The following ARHGAP26 variants were observed in gnomAD, a reference collection of about 807,000 sequenced individuals.
ARHGAP26 encodes the protein Rho GTPase activating protein 26, also known as rho GTPase-activating protein 26.
In ARHGAP26, 38 loss-of-function variants were observed where a neutral mutation model predicts 104.8. The ratio of observed to expected loss-of-function variants is 0.36; its 90% confidence interval spans 0.28 to 0.48. ARHGAP26 has a LOEUF of 0.48. Among genes scored for constraint, ARHGAP26 ranks in the 20% least tolerant of loss-of-function variants. The probability of loss-of-function intolerance (pLI) is 0.99; values close to 1 mark genes in which losing one functional copy is unlikely to be tolerated. For synonymous variants in ARHGAP26, 341 were observed against 340.0 expected (o/e 1.00, Z -0.03); for missense variants, 704 against 947.9 (o/e 0.74, Z 3.38).
Position 143,081,959 on chromosome 5 carries a change from G to A in ARHGAP26, c.1538+24212G>A, listed in dbSNP as rs911124631. On this transcript the variant is annotated intron_variant, in intron 17 of 22. Coordinates refer to ENST00000645722, the MANE Select transcript of ARHGAP26 (RefSeq NM_001135608.3). ...CGGGAGGTGGAGCTTGCAGTGAGCC[G>A]AGATCGCGCCACTGCGCTCCAGCCT... 2.1e-4 allele frequency among the ~76,000 whole-genome samples: 30 copies of A among 144,276 alleles called. 1 individual carries two copies. The South Asian group carries it at 3.7e-3, about 18-fold the overall frequency. The allele number at this position is 144,276 out of a possible 152,430, so 94.7% of individuals were successfully genotyped here. A position where few individuals can be genotyped will look rare whatever the true frequency, so the allele number is the denominator to read the frequency against.
chr5:143,097,821 C>CA (rs35803857), intron 17 of ARHGAP26, among the ~76,000 whole-genome samples: 10,329 of 121,072 alleles, frequency 0.085, 1,407 homozygotes, highest in African/African-American at 0.27. Flanking sequence ...GACTCCAACT[C>CA]AAAAAAAAAA....
At chr5:143,056,563 C>T (rs1403034050) in intron 16 of ARHGAP26, among the ~76,000 whole-genome samples, 1 of 152,044 alleles carries the variant, frequency 6.6e-6, no homozygotes, top group East Asian at 1.9e-4. Context: ...CTTCCATTTA[C>T]AGCTTCTGAT....
At chr5:143,015,044 A>G (rs1779399618) in intron 12 of ARHGAP26, among the ~76,000 whole-genome samples, 1 of 152,140 alleles carries the variant, frequency 6.6e-6, no homozygotes, top group Admixed American at 6.5e-5. Flanking sequence ...TCTTCAAAAT[A>G]TAATTTTTTA....
intron 21 of ARHGAP26, among the ~76,000 whole-genome samples, chr5:143,209,641 CATG>C (rs752055372): frequency 6.6e-6 from 1 of 152,040 alleles, no homozygotes; most frequent in Non-Finnish European, 1.5e-5. Context: ...ATTAGCCAGG[CATG>C]GTGGTGGGCG....
intron 10 of ARHGAP26, among the ~76,000 whole-genome samples, chr5:142,914,612 A>G (rs1476293434): frequency 6.6e-6 from 1 of 152,188 alleles, no homozygotes; most frequent in Non-Finnish European, 1.5e-5. Flanking sequence ...CAGACTTGGT[A>G]TTTCACTTCT....
chr5:142,942,471 CA>C (rs1353710262), intron 11 of ARHGAP26, among the ~76,000 whole-genome samples: 2 of 152,186 alleles, frequency 1.3e-5, no homozygotes, highest in Non-Finnish European at 2.9e-5. Context: ...TGTGCCTATA[CA>C]GTAATGCTAC....
At chr5:142,996,444 G>A (rs1776403234) in intron 11 of ARHGAP26, among the ~76,000 whole-genome samples, 1 of 152,138 alleles carries the variant, frequency 6.6e-6, no homozygotes, top group South Asian at 2.1e-4. Context: ...AGTGAGCCAA[G>A]ATCACGCCAC....
Position 143,207,250 on chromosome 5 carries a change from T to G in ARHGAP26, c.2041T>G (p.Ser681Ala). Residue 681 changes from serine to alanine, a missense_variant, in exon 21 of 23, where the codon TCG becomes GCG. Physicochemically the swap from Ser to Ala is moderately conservative, Grantham distance 99. This residue lies in a region of ARHGAP26 where 217 missense variants were observed against 242.6 expected (regional missense o/e 0.89). Coordinates refer to ENST00000645722, the MANE Select transcript of ARHGAP26 (RefSeq NM_001135608.3). ...CCTCTCGCCATCTTGGCCCATGTTC[T>G]CGGCGCCATCCAGCCCTATGCCCAC... ...SPLSPSWPMFSAPSSPMPTSS... is the reference protein window; with the variant it reads ...SPLSPSWPMFAAPSSPMPTSS... 1 of 1,614,130 alleles carries G rather than the reference T, an allele frequency of 6.2e-7. No individual in the cohort carries two copies. Among genetic ancestry groups the G allele is most frequent in the Non-Finnish European group, 8.5e-7 (1 of 1,180,018 alleles).
At chr5:143,006,345 A>T (rs1598596282) in intron 11 of ARHGAP26, among the ~76,000 whole-genome samples, 4 of 129,116 alleles carry the variant, frequency 3.1e-5, no homozygotes, top group African/African-American at 5.9e-5. Flanking sequence ...TTTTAATTGC[A>T]GTTTCTCTCT....
intron 10 of ARHGAP26, among the ~76,000 whole-genome samples, chr5:142,931,498 T>A (rs2152533032): frequency 6.6e-6 from 1 of 152,290 alleles, no homozygotes; most frequent in East Asian, 1.9e-4. Context: ...TATTCATTTT[T>A]AAAAAATACT....
Position 142,784,245 on chromosome 5 carries a change from C to G in ARHGAP26, c.154+13330C>G, listed in dbSNP as rs143094858. Among the ~76,000 whole-genome samples, 642 of 152,318 alleles carry G rather than the reference C, an allele frequency of 4.2e-3. 2 individuals are homozygous for G. The highest frequency in any genetic ancestry group is 5.8e-3 in the Non-Finnish European group (395 of 68,028). ...TAATCGGTTCCCCAGCAGGGAAGCT[C>G]TGCTCCATTGCATAGGAAATTGGAG... is the stretch of plus-strand genomic sequence containing the variant. On this transcript the variant is annotated intron_variant, in intron 1 of 22. Coordinates refer to ENST00000645722, the MANE Select transcript of ARHGAP26 (RefSeq NM_001135608.3).
intron 1 of ARHGAP26, among the ~76,000 whole-genome samples, chr5:142,820,450 A>AGAAC (rs112824459): frequency 2.0e-5 from 3 of 151,774 alleles, no homozygotes; most frequent in African/African-American, 7.3e-5. Context: ...AAAAAACAAA[A>AGAAC]AAACAAACAA....
chr5:143,176,349 T>G (rs1156822817), intron 20 of ARHGAP26, among the ~76,000 whole-genome samples: 1 of 152,220 alleles, frequency 6.6e-6, no homozygotes, highest in Non-Finnish European at 1.5e-5. Flanking sequence ...TCTTAGATGG[T>G]AGGAATTAAT....
chr5:142,916,007 G>A (rs1296985874), intron 10 of ARHGAP26, among the ~76,000 whole-genome samples: 1 of 152,150 alleles, frequency 6.6e-6, no homozygotes, highest in Non-Finnish European at 1.5e-5. Flanking sequence ...AGGTTCCCCA[G>A]CTCCACCTGC....
At chr5:142,943,232 C>T (rs1211681414) in intron 11 of ARHGAP26, among the ~76,000 whole-genome samples, 1 of 152,216 alleles carries the variant, frequency 6.6e-6, no homozygotes, top group African/African-American at 2.4e-5. Flanking sequence ...GTATGGTTGG[C>T]TTGGCATGAC....
At chr5:143,159,858 G>A (rs1244950881) in intron 20 of ARHGAP26, among the ~76,000 whole-genome samples, 1 of 152,068 alleles carries the variant, frequency 6.6e-6, no homozygotes, top group Non-Finnish European at 1.5e-5. Flanking sequence ...GAGGCAGATG[G>A]GATGGTGATC....
chr5:143,098,099 C>T (rs1792678150), intron 17 of ARHGAP26, among the ~76,000 whole-genome samples: 1 of 152,086 alleles, frequency 6.6e-6, no homozygotes, highest in Non-Finnish European at 1.5e-5. Flanking sequence ...TTTTGTTCTA[C>T]TTGAGAACCT....
chr5:142,999,676 A>C (rs991100396), intron 11 of ARHGAP26, among the ~76,000 whole-genome samples: 4 of 152,220 alleles, frequency 2.6e-5, no homozygotes, highest in African/African-American at 9.6e-5. Flanking sequence ...TAAAGCCTTC[A>C]GAAGAAAACA....
At chr5:143,181,291 G>A (rs1233468840) in intron 20 of ARHGAP26, among the ~76,000 whole-genome samples, 1 of 152,204 alleles carries the variant, frequency 6.6e-6, no homozygotes, top group African/African-American at 2.4e-5. Flanking sequence ...ACTCTGGCTT[G>A]CCATTGCAGC....
Sources: gnomAD v4.1 joint callset for allele counts (sites outside exome capture counted in the v4.1 genomes callset) on GRCh38, gnomAD v4.1.1 for gene constraint, gnomAD v4.1.1 regional missense constraint, MANE v1.5 for transcripts, NCBI Gene and HGNC (gene_info 2026-07-23, HGNC 2026-07-21) for gene names.